The following RBSN variants were observed in gnomAD, a reference collection of about 807,000 sequenced individuals.
RBSN encodes rabenosyn, RAB effector, also known as rabenosyn-5.
Under a neutral mutation model 60.5 loss-of-function variants are expected in RBSN, and 34 were observed. That is an observed-to-expected ratio of 0.56 (90% CI 0.43 to 0.75). The LOEUF (loss-of-function observed/expected upper bound fraction) is 0.75, where lower values mean the gene tolerates loss of function less well. RBSN is among the 30% of genes least tolerant of loss of function. RBSN has a pLI of 0.00. For synonymous variants in RBSN, 322 were observed against 366.9 expected, an observed-to-expected ratio of 0.88 and a Z score of 1.40; for missense variants, 845 against 986.8, an observed-to-expected ratio of 0.86 and a Z score of 1.92.
Position 15,096,096 on chromosome 3 carries a change from C to T in RBSN, c.25G>A (p.Glu9Lys), listed in dbSNP as rs2043650043. 2 of 1,601,962 alleles carry T rather than the reference C, an allele frequency of 1.2e-6. No individual in the cohort carries two copies. The highest frequency in any genetic ancestry group is 1.1e-5 in the South Asian group (1 of 89,272). The change falls in exon 4 of 14, where the codon GAA becomes AAA. Residue 9 changes from glutamate to lysine, a missense_variant. Transcript: ENST00000253699. MASLDDPG[E>K]VREGFLCPLC... ...GGGCAGAGGAAGCCCTCCCTCACTT[C>T]CCCTGGGTCGTCCAGAGAAGCCATG...
chr3:15,097,515 C>CA (rs1053002214), intron 2 of RBSN, among the ~76,000 whole-genome samples: 2 of 151,182 alleles, frequency 1.3e-5, no homozygotes, highest in Admixed American at 6.6e-5. Flanking sequence ...AACTCCATCT[C>CA]AAAAAAGTAA....
chr3:15,082,350 C>A lies in RBSN; in HGVS notation c.840+17G>T. ...CTGCCTAAGAAATTAGACCCAAGAC[C>A]AGACAGCGCGAATCACCTCGTAGAG... is the stretch of plus-strand genomic sequence containing the variant. On this transcript the variant is annotated intron_variant, in intron 9 of 13. Coordinates refer to ENST00000253699, the MANE Select transcript of RBSN (RefSeq NM_022340.4). The surrounding 1 kb of genome is among the most constrained non-coding windows in gnomAD (Gnocchi z 4.2). 6.2e-7 allele frequency: 1 copy of A among 1,601,828 alleles called. No homozygotes were observed. The highest frequency in any genetic ancestry group is 1.1e-5 in the South Asian group (1 of 90,822).
At chr3:15,086,374 AC>A (rs1259147685) in intron 5 of RBSN, among the ~76,000 whole-genome samples, 3 of 152,258 alleles carry the variant, frequency 2.0e-5, no homozygotes, top group African/African-American at 7.2e-5. Flanking sequence ...TAAATTGTTA[AC>A]CGCCTTTGGA....
Position 15,082,507 on chromosome 3 carries a change from T to C in RBSN, c.700A>G (p.Met234Val), listed in dbSNP as rs754239803. The C allele has an allele frequency of 2.5e-6, 4 of 1,614,186 alleles. No individual in the cohort carries two copies. In the Admixed American group the frequency reaches 6.7e-5, roughly 27 times the overall value. Residue 234 changes from methionine to valine, a missense_variant, in exon 9 of 14, where the codon ATG (methionine) becomes GTG (valine). Transcript: ENST00000253699. The surrounding 1 kb of genome is among the most constrained non-coding windows in gnomAD (Gnocchi z 4.2). ...TCCAGGACCGAGCTGACACTGCTCA[T>C]GCTGCTGATGCTGCCTCGGCGGGAG... ...HGSRRGSISSMSSVSSVLDEK... is the reference protein window; with the variant it reads ...HGSRRGSISSVSSVSSVLDEK...
At chr3:15,093,550 A>T (rs2043572710) in intron 4 of RBSN, among the ~76,000 whole-genome samples, 1 of 151,738 alleles carries the variant, frequency 6.6e-6, no homozygotes, top group South Asian at 2.1e-4. Flanking sequence ...TGCCACTATG[A>T]CTGGCTAATT....
rs186254101 is a variant in RBSN at position 15,097,203 on chromosome 3, A to T, written c.-344-493T>A. Among the ~76,000 whole-genome samples, 295 of 152,264 alleles carry T rather than the reference A, an allele frequency of 1.9e-3. 1 individual carries two copies. The highest frequency in any genetic ancestry group is 4.6e-3 in the South Asian group (22 of 4,828). On this transcript the variant is annotated intron_variant, in intron 2 of 13. Transcript: ENST00000253699. ...AAGTGACAGTTAAGTAGCAAACCTG[A>T]TGTTCTCACTGCTTCAAAAATAAAA...
In RBSN at chr3:15,096,129, C is replaced by G. The variant is rs199635416; in HGVS notation, c.-9G>C. The G allele has an allele frequency of 1.3e-6, 2 of 1,557,808 alleles. No individual in the cohort carries two copies. Among genetic ancestry groups the G allele is most frequent in the Non-Finnish European group, 1.7e-6 (2 of 1,155,380 alleles). The stretch of plus-strand genomic sequence containing the variant: ...TCGTCCAGAGAAGCCATGGCAGTGC[C>G]GCTCTCAACCCTAGGAAGGCAGGAA... On this transcript the variant is annotated 5_prime_UTR_variant, in exon 4 of 14. Transcript: ENST00000253699.
At position 15,074,362 on chromosome 3, in the gene RBSN, C is replaced by T; in HGVS notation, c.1775G>A (p.Ser592Asn). 6.2e-7 allele frequency: 1 copy of T among 1,614,074 alleles called. No homozygotes were observed. The highest frequency in any genetic ancestry group is 8.5e-7 in the Non-Finnish European group (1 of 1,180,014). ...CCACACTCTGGTGGGTTGAGTTGAG[C>T]TAAGTGAAGGGGTCTTGGGAGCTGT... ...SSTAPKTPSL[S>N]STQPTRVWSG... Residue 592 changes from serine to asparagine, a missense_variant, in exon 14 of 14, where the codon AGC becomes AAC. Transcript: ENST00000253699. This position sits in a 1 kb window ranked among gnomAD's most constrained non-coding sequence, Gnocchi z 6.4.
At chr3:15,080,853 C>G (rs1334647235) in intron 9 of RBSN, 51 bp from the exon 10 acceptor site, 1 of 1,456,568 alleles carries the variant, frequency 6.9e-7, no homozygotes, top group Admixed American at 1.7e-5. Flanking sequence ...ATAGAAACAC[C>G]TACCCAGAAG....
At chr3:15,095,633 C>T (rs1051440228) in intron 4 of RBSN, 10 of 435,952 alleles carry the variant, frequency 2.3e-5, no homozygotes, top group African/African-American at 1.8e-4. Context: ...CCTCTCCAAA[C>T]CCTGTTAGGC....
At chr3:15,098,454 G>GAAAA in intron 1 of RBSN, among the ~76,000 whole-genome samples, 180 bp from the exon 2 acceptor site, 1 of 13,368 alleles carries the variant, frequency 7.5e-5, no homozygotes, top group South Asian at 3.9e-3. Context: ...CACGTAAAAA[G>GAAAA]TAAAAAAAAT....
At chr3:15,098,000 A>AT (rs1197979863) in intron 2 of RBSN, 119 bp downstream of exon 2, 1 of 152,312 alleles carries the variant, frequency 6.6e-6, no homozygotes, top group Non-Finnish European at 1.5e-5. Context: ...CTTTCTTCCC[A>AT]TGCACTCACC....
At position 15,074,342 on chromosome 3, in the gene RBSN, C is replaced by G; in HGVS notation, c.1795G>C (p.Val599Leu). Residue 599 changes from valine to leucine, a missense_variant, in exon 14 of 14, where the codon GTG (valine) becomes CTG (leucine). Coordinates refer to ENST00000253699, the MANE Select transcript of RBSN (RefSeq NM_022340.4). The surrounding 1 kb of genome is among the most constrained non-coding windows in gnomAD (Gnocchi z 6.4). ...PSLSSTQPTRVWSGPPAVGQE... is the reference protein window; with the variant it reads ...PSLSSTQPTRLWSGPPAVGQE... ...CCAACGGCTGGGGGCCCAGACCACA[C>G]TCTGGTGGGTTGAGTTGAGCTAAGT... 6 of 1,614,126 alleles carry G rather than the reference C, an allele frequency of 3.7e-6. No individual in the cohort carries two copies. The highest frequency in any genetic ancestry group is 5.1e-6 in the Non-Finnish European group (6 of 1,180,008).
rs2043084658 is a variant in RBSN, at chr3:15,077,512, C to T, written c.999-348G>A. ...GTCTTTATTCTTAATAACTTTTGAACAGGGGACATGCATTTTCATTTTGTA... is the reference window on the plus strand; with the variant it reads ...GTCTTTATTCTTAATAACTTTTGAATAGGGGACATGCATTTTCATTTTGTA... On this transcript the variant is annotated intron_variant, in intron 11 of 13. Transcript: ENST00000253699. The surrounding 1 kb of genome is among the most constrained non-coding windows in gnomAD (Gnocchi z 4.4). 6.6e-6 allele frequency among the ~76,000 whole-genome samples: 1 copy of T among 152,176 alleles called. No homozygotes were observed. Among genetic ancestry groups the T allele is most frequent in the African/African-American group, 2.4e-5 (1 of 41,446 alleles).
rs781264653 is a variant in RBSN at position 15,075,005 on chromosome 3, T to C, written c.1207-75A>G. On this transcript the variant is annotated intron_variant, in intron 13 of 13. Coordinates refer to ENST00000253699, the MANE Select transcript of RBSN (RefSeq NM_022340.4). ...AGCCCACACTGTCACCCACCCTCTG[T>C]TGTCCCTCTATCCCTGTGCCAGTGA... 21 of 1,497,296 alleles carry C rather than the reference T, an allele frequency of 1.4e-5. No individual in the cohort carries two copies. The South Asian group carries it at 2.0e-4, about 14-fold the overall frequency. 92.8% of individuals were successfully genotyped at this position (1,497,296 alleles called of 1,614,324 possible).
intron 13 of RBSN, 102 bp from the exon 14 acceptor site, chr3:15,075,032 A>G (rs2043020057): frequency 7.4e-7 from 1 of 1,359,148 alleles, no homozygotes; most frequent in African/African-American, 1.5e-5. Context: ...TGCCAGTGAC[A>G]CTCCAATTTC....
chr3:15,080,497 G>A (rs1195745094), intron 10 of RBSN, among the ~76,000 whole-genome samples: 1 of 152,156 alleles, frequency 6.6e-6, no homozygotes, highest in Non-Finnish European at 1.5e-5. Context: ...AAGGTCAACT[G>A]AATGTGGCTG....
chr3:15,089,139 T>A (rs753446957), intron 5 of RBSN, among the ~76,000 whole-genome samples: 114 of 152,102 alleles, frequency 7.5e-4, no homozygotes, highest in Non-Finnish European at 1.4e-3. Context: ...AGAAAATATT[T>A]TATTATATTA....
chr3:15,081,061 TG>T, intron 9 of RBSN: 1 of 420,822 alleles, frequency 2.4e-6, no homozygotes, highest in South Asian at 2.9e-5. Flanking sequence ...TCACCCAAGG[TG>T]GAGTACAATG....
Sources: allele counts gnomAD v4.1 joint callset (sites outside exome capture counted in the v4.1 genomes callset), GRCh38; gene constraint gnomAD v4.1.1; non-coding constraint Gnocchi (gnomAD v3.1); transcripts MANE v1.5; gene names NCBI Gene and HGNC (gene_info 2026-07-23, HGNC 2026-07-21).